Variants in GDAP2 observed in about 807,000 individuals in gnomAD.
The protein encoded by GDAP2 is ganglioside induced differentiation associated protein 2.
GDAP2 carries 51 observed loss-of-function variants against 67.0 expected under a neutral mutation model. The ratio of observed to expected loss-of-function variants is 0.76; its 90% CI spans 0.61 to 0.96. The LOEUF is 0.96. Ranked by LOEUF, GDAP2 falls within the 40% of genes least tolerant of loss-of-function variation. The pLI, the probability that GDAP2 is intolerant of heterozygous loss-of-function variation, is 0.00. For synonymous variants in GDAP2, 203 were observed against 207.3 expected (o/e 0.98, Z 0.18); for missense variants, 547 against 588.3 (o/e 0.93, Z 0.73).
intron 6 of GDAP2, among the ~76,000 whole-genome samples, chr1:117,902,633 A>G (rs1422378962): frequency 6.6e-6 from 1 of 152,216 alleles, no homozygotes; most frequent in Non-Finnish European, 1.5e-5. Flanking sequence ...GTTTATCCTT[A>G]TGCCAGTACC....
intron 3 of GDAP2, among the ~76,000 whole-genome samples, chr1:117,915,615 A>G (rs930904987): frequency 6.6e-6 from 1 of 152,214 alleles, no homozygotes; most frequent in African/African-American, 2.4e-5. Flanking sequence ...GCATACACAT[A>G]ATTATTTTGG....
intron 9 of GDAP2, among the ~76,000 whole-genome samples, 187 bp from the exon 10 acceptor site, chr1:117,886,840 C>T (rs1265508093): frequency 6.6e-6 from 1 of 152,064 alleles, no homozygotes; most frequent in African/African-American, 2.4e-5. Context: ...TTTAAAGCTT[C>T]ATGAGGGTTT....
rs979860413 is a variant in GDAP2 at position 117,912,187 on chromosome 1, C to G, written c.471-105G>C. On this transcript the variant is annotated intron_variant, in intron 4 of 13. Coordinates refer to ENST00000369443, the MANE Select transcript of GDAP2 (RefSeq NM_017686.4). ...TCTAGCTCAACTTCTCCTTTCCTCC[C>G]TCTTCAACAAATCTACTATAATAGC... 5.6e-6 allele frequency: 4 copies of G among 716,056 alleles called. No homozygotes were observed. In the African/African-American group the frequency reaches 7.1e-5, roughly 13 times the overall value. The allele number at this position is 716,056 out of a possible 1,614,324, so 44.4% of individuals were successfully genotyped here.
At chr1:117,905,022 C>T (rs997131496) in intron 6 of GDAP2, among the ~76,000 whole-genome samples, 5 of 152,100 alleles carry the variant, frequency 3.3e-5, no homozygotes, top group Non-Finnish European at 7.4e-5. Flanking sequence ...CTCCTTTTCC[C>T]GTATGTATTT....
Position 117,912,677 on chromosome 1 carries a change from C to A in GDAP2, c.323G>T (p.Arg108Leu), listed in dbSNP as rs748108392. Residue 108 changes from arginine to leucine, a missense_variant, in exon 4 of 14, where the codon CGA becomes CTA. Physicochemically the swap from Arg to Leu is moderately radical, Grantham distance 102. Coordinates refer to ENST00000369443, the MANE Select transcript of GDAP2 (RefSeq NM_017686.4). Reference sequence around the variant, plus strand: ...TTTTGTCAATTTTGCTTCACCTGTTCGGCACCCTGAAAACAATGGAAACAC... The same window carrying A: ...TTTTGTCAATTTTGCTTCACCTGTTAGGCACCCTGAAAACAATGGAAACAC... The part of the protein sequence containing the change: ...KEDLQKLKGC[R>L]TGEAKLTKGF... 1.5e-5 allele frequency: 24 copies of A among 1,612,424 alleles called. No individual in the cohort carries two copies. Among genetic ancestry groups the A allele is most frequent in the Non-Finnish European group, 2.0e-5 (24 of 1,178,940 alleles).
At chr1:117,917,632 A>T (rs1650096176) in intron 3 of GDAP2, among the ~76,000 whole-genome samples, 1 of 152,180 alleles carries the variant, frequency 6.6e-6, no homozygotes. Flanking sequence ...CACAGTTATT[A>T]AAGAGCAGAG....
At chr1:117,875,975 G>T (rs546923642) in intron 13 of GDAP2, among the ~76,000 whole-genome samples, 3 of 152,234 alleles carry the variant, frequency 2.0e-5, no homozygotes, top group Non-Finnish European at 4.4e-5. Flanking sequence ...GTTGGTGCTG[G>T]AACAAGGTAA....
chr1:117,915,110 G>C (rs1240126685), intron 3 of GDAP2, among the ~76,000 whole-genome samples: 1 of 152,158 alleles, frequency 6.6e-6, no homozygotes, highest in Non-Finnish European at 1.5e-5. Context: ...CTCCAATTAA[G>C]AGAGCCATCT....
At chr1:117,874,540 T>C (rs747282545) in intron 13 of GDAP2, among the ~76,000 whole-genome samples, 1 of 152,168 alleles carries the variant, frequency 6.6e-6, no homozygotes, top group Non-Finnish European at 1.5e-5. Context: ...GCCTCAGGTA[T>C]TCCTTTATGG....
intron 3 of GDAP2, among the ~76,000 whole-genome samples, chr1:117,914,804 T>C (rs995278620): frequency 1.3e-5 from 2 of 152,160 alleles, no homozygotes; most frequent in African/African-American, 4.8e-5. Context: ...CAAACTAGAA[T>C]TCTATTTCTA....
chr1:117,906,190 C>A (rs1212187432), intron 6 of GDAP2, among the ~76,000 whole-genome samples: 1 of 152,232 alleles, frequency 6.6e-6, no homozygotes, highest in Non-Finnish European at 1.5e-5. Context: ...TCCAGTTATG[C>A]TCCCCAAACA....
In GDAP2 at chr1:117,865,797, G is replaced by A. The variant is rs558375855; in HGVS notation, c.*4772C>T. ...ATTCAAAGATGCTGTTCTTAAAAGT[G>A]TAAAAAATAACTAATATACAAGAGA... On this transcript the variant is annotated 3_prime_UTR_variant, in exon 14 of 14. Coordinates refer to ENST00000369443, the MANE Select transcript of GDAP2 (RefSeq NM_017686.4). 20 of 152,234 alleles carry A rather than the reference G, an allele frequency of 1.3e-4. No individual in the cohort carries two copies. Among genetic ancestry groups the A allele is most frequent in the African/African-American group, 4.8e-4 (20 of 41,540 alleles). 9.4% of individuals were successfully genotyped at this position (152,234 alleles called of 1,614,324 possible). A position where few individuals can be genotyped will look rare whatever the true frequency, so the allele number is the denominator to read the frequency against.
intron 5 of GDAP2, 114 bp downstream of exon 5, chr1:117,911,880 A>T: frequency 1.6e-6 from 1 of 636,172 alleles, no homozygotes; most frequent in Non-Finnish European, 2.9e-6. Context: ...TCCTCAAGTG[A>T]TTCTCCTGCC....
rs139679523 is a variant in GDAP2, at chr1:117,912,572, C to T, written c.428G>A (p.Ser143Asn). 8.1e-6 allele frequency: 13 copies of T among 1,613,292 alleles called. No homozygotes were observed. The highest frequency in any genetic ancestry group is 2.7e-5 in the African/African-American group (2 of 74,874). Residue 143 changes from serine to asparagine, a missense_variant, in exon 4 of 14, where the codon AGT becomes AAT. By Grantham distance (46) the Ser-to-Asn change is conservative (BLOSUM62 1). Coordinates refer to ENST00000369443, the MANE Select transcript of GDAP2 (RefSeq NM_017686.4). ...GTTTCTGTAGCAGCTATAAAGGGAA[C>T]TCTCAGCTGCTGTGCGATAGCGGCT... The part of the protein sequence containing the change: ...YKSRYRTAAE[S>N]SLYSCYRNVL...
chr1:117,921,972 G>A (rs1343016742), intron 1 of GDAP2, among the ~76,000 whole-genome samples: 1 of 152,092 alleles, frequency 6.6e-6, no homozygotes, highest in Admixed American at 6.6e-5. Context: ...TTACACAATT[G>A]AGTAAATGTT....
At chr1:117,895,186 T>C (rs1389042064) in intron 8 of GDAP2, among the ~76,000 whole-genome samples, 1 of 152,164 alleles carries the variant, frequency 6.6e-6, no homozygotes, top group Non-Finnish European at 1.5e-5. Flanking sequence ...AACACTACTA[T>C]TTATCAAATT....
At chr1:117,877,722 T>C in intron 13 of GDAP2, 1 of 1,120,964 alleles carries the variant, frequency 8.9e-7, no homozygotes. Context: ...GAGGTATCTG[T>C]TTTAAATATG....
At chr1:117,873,896 T>C (rs1648372611) in intron 13 of GDAP2, among the ~76,000 whole-genome samples, 1 of 152,200 alleles carries the variant, frequency 6.6e-6, no homozygotes. Context: ...GCCCTAACAA[T>C]ATAGTCTCGT....
intron 8 of GDAP2, among the ~76,000 whole-genome samples, chr1:117,890,165 G>A (rs1385624988): frequency 6.6e-6 from 1 of 152,020 alleles, no homozygotes; most frequent in Non-Finnish European, 1.5e-5. Context: ...TGTATGCTGA[G>A]AAGGGGACTG....
Sources: gnomAD v4.1 joint callset for allele counts (sites outside exome capture counted in the v4.1 genomes callset) on GRCh38, gnomAD v4.1.1 for gene constraint, MANE v1.5 for transcripts, NCBI Gene and HGNC (gene_info 2026-07-23, HGNC 2026-07-21) for gene names.